The following PNISR variants were observed in gnomAD, a reference collection of about 807,000 sequenced individuals.
PNISR encodes PNN interacting serine and arginine rich protein, also known as arginine/serine-rich protein PNISR.
A neutral mutation model predicts 93.4 loss-of-function variants in PNISR; 20 were observed. That is an observed-to-expected ratio of 0.21 (90% CI 0.15 to 0.31). PNISR has a LOEUF of 0.31. Among genes scored for constraint, PNISR ranks in the 10% least tolerant of loss-of-function variants. The probability of loss-of-function intolerance (pLI) is 1.00; values close to 1 mark genes in which losing one functional copy is unlikely to be tolerated. For missense variants in PNISR, 893 were observed against 985.4 expected, an observed-to-expected ratio of 0.91 and a Z score of 1.25; for synonymous variants, 305 against 306.5, an observed-to-expected ratio of 0.99 and a Z score of 0.05.
rs75491041 is a variant in PNISR at position 99,411,930 on chromosome 6, C to T, written c.277+621G>A. ...GTTATGACTTCACCATCAGCATACC[C>T]AAATGAGAGGCTGATTCCTCCATAG... On this transcript the variant is annotated intron_variant, in intron 4 of 11. Coordinates refer to ENST00000369239, the MANE Select transcript of PNISR (RefSeq NM_032870.4). The T allele has an allele frequency of 9.3e-3, 1,889 of 202,542 alleles. 15 individuals carry two copies. Among genetic ancestry groups the T allele is most frequent in the Non-Finnish European group, 0.014 (1,385 of 97,722 alleles). The allele number at this position is 202,542 out of a possible 1,614,324, so 12.5% of individuals were successfully genotyped here. A position where few individuals can be genotyped will look rare whatever the true frequency, so the allele number is the denominator to read the frequency against.
intron 1 of PNISR, among the ~76,000 whole-genome samples, chr6:99,420,807 T>C (rs1365744756): frequency 1.3e-5 from 2 of 152,242 alleles, no homozygotes; most frequent in African/African-American, 4.8e-5. Context: ...AAGTTAAAGA[T>C]GACATACAAT....
chr6:99,410,538 AT>A, intron 5 of PNISR: 1 of 535,410 alleles, frequency 1.9e-6, no homozygotes. Flanking sequence ...ATGATCTTTT[AT>A]ACCATTTTCC....
At chr6:99,402,475 G>T in intron 11 of PNISR, 65 bp downstream of exon 11, 1 of 776,404 alleles carries the variant, frequency 1.3e-6, no homozygotes, top group African/African-American at 1.7e-5. Context: ...ATATTTTTAG[G>T]TTAGTTAAAA....
chr6:99,404,065 T>C (rs1775838802), intron 9 of PNISR, 183 bp from the exon 10 acceptor site: 1 of 554,616 alleles, frequency 1.8e-6, no homozygotes, highest in South Asian at 2.4e-5. Flanking sequence ...ATAACTCTGA[T>C]GTGAGCTGAA....
chr6:99,402,760 CTAA>C, intron 10 of PNISR, 50 bp from the exon 11 acceptor site: 2 of 1,368,590 alleles, frequency 1.5e-6, no homozygotes, highest in Non-Finnish European at 2.0e-6. Flanking sequence ...ATACTATGCA[CTAA>C]AAACTTTTCA....
Position 99,409,204 on chromosome 6 carries a change from T to C in PNISR, c.642A>G (p.Ala214=), listed in dbSNP as rs777780597. ...SFRDRQRSPI[A]LPVKQEPPQI... Reference sequence around the variant, plus strand: ...GTGGAGGCTCCTGCTTCACAGGAAGTGCAATAGGTGAACGCTGACGATCCC... The same window carrying C: ...GTGGAGGCTCCTGCTTCACAGGAAGCGCAATAGGTGAACGCTGACGATCCC... The change falls in exon 6 of 12, where the codon GCA becomes GCG. Residue 214 remains alanine, a synonymous_variant. Transcript: ENST00000369239. 12 of 1,613,948 alleles carry C rather than the reference T, an allele frequency of 7.4e-6. No individual in the cohort carries two copies. The highest frequency in any genetic ancestry group is 1.7e-4 in the Middle Eastern group (1 of 6,054).
chr6:99,418,057 G>A (rs1401097219), intron 1 of PNISR, among the ~76,000 whole-genome samples: 1 of 151,412 alleles, frequency 6.6e-6, no homozygotes, highest in African/African-American at 2.4e-5. Context: ...AACTTACAGA[G>A]GTTTCACTTT....
Position 99,398,903 on chromosome 6 carries a change from T to A in PNISR, c.*1637A>T, listed in dbSNP as rs1775149855. ...TAAAGTTATTCTGTGAAATGTCATC[T>A]TTATAAATATCAGAACTAAATGCAC... On this transcript the variant is annotated 3_prime_UTR_variant, in exon 12 of 12. Transcript: ENST00000369239. 1 of 152,134 alleles carries A rather than the reference T, an allele frequency of 6.6e-6. No homozygotes were observed. The highest frequency in any genetic ancestry group is 2.1e-4 in the South Asian group (1 of 4,834). 9.4% of individuals were successfully genotyped at this position (152,134 alleles called of 1,614,324 possible).
In PNISR at chr6:99,400,498, C is replaced by T; in HGVS notation, c.*42G>A. 6.4e-7 allele frequency: 1 copy of T among 1,570,490 alleles called. No individual in the cohort carries two copies. Among genetic ancestry groups the T allele is most frequent in the Non-Finnish European group, 8.6e-7 (1 of 1,162,150 alleles). ...ACTTTCAACTTTGAATAAATTCAGT[C>T]AATTTTTTTTAAAAATCAGACAAAA... is the stretch of plus-strand genomic sequence containing the variant. On this transcript the variant is annotated 3_prime_UTR_variant, in exon 12 of 12. Coordinates refer to ENST00000369239, the MANE Select transcript of PNISR (RefSeq NM_032870.4).
rs1318146138 is a variant in PNISR at position 99,399,213 on chromosome 6, ATTCAT to A, written c.*1322_*1326del. On this transcript the variant is annotated 3_prime_UTR_variant, in exon 12 of 12. Coordinates refer to ENST00000369239, the MANE Select transcript of PNISR (RefSeq NM_032870.4). ...AATGTAAAAGCATTTGTTTTCAGAG[ATTCAT>A]TTATCACTGAGTAAGTGATTACATA... The A allele has an allele frequency of 6.6e-5, 10 of 152,252 alleles. No individual in the cohort carries two copies. The highest frequency in any genetic ancestry group is 4.1e-4 in the South Asian group (2 of 4,824). The allele number at this position is 152,252 out of a possible 1,614,324, so 9.4% of individuals were successfully genotyped here.
At position 99,401,265 on chromosome 6, in the gene PNISR, T is replaced by C. The variant is rs927217833; in HGVS notation, c.1693A>G (p.Thr565Ala). The change falls in exon 12 of 12, where the codon ACA becomes GCA. Residue 565 changes from threonine (T) to alanine (A), a missense_variant. By Grantham distance (58) the Thr-to-Ala change is moderately conservative. Coordinates refer to ENST00000369239, the MANE Select transcript of PNISR (RefSeq NM_032870.4). ...KKRHSRSRSP[T>A]IKARRSRSRS... ...CTCCTGCTACGTCTAGCTTTGATTG[T>C]TGGAGATCTACTCCTACTGTGTCTC... 4 of 1,613,006 alleles carry C rather than the reference T, an allele frequency of 2.5e-6. No individual in the cohort carries two copies. Among genetic ancestry groups the C allele is most frequent in the Admixed American group, 1.7e-5 (1 of 59,920 alleles).
intron 2 of PNISR, chr6:99,415,558 A>T (rs1236287826): frequency 6.6e-6 from 1 of 152,208 alleles, no homozygotes; most frequent in Non-Finnish European, 1.5e-5. Flanking sequence ...TAAAAGGTTT[A>T]AAAGTCTTAC....
chr6:99,399,111 T>C lies in PNISR; in HGVS notation c.*1429A>G, dbSNP rs986087746. Reference sequence around the variant, plus strand: ...CTTGGCAAAAATCTGGCATGATTTTTAAAATGAACTATTGCTGGTAAGAAG... The same window carrying C: ...CTTGGCAAAAATCTGGCATGATTTTCAAAATGAACTATTGCTGGTAAGAAG... On this transcript the variant is annotated 3_prime_UTR_variant, in exon 12 of 12. Transcript: ENST00000369239. The C allele has an allele frequency of 2.0e-5, 3 of 152,140 alleles. No individual in the cohort carries two copies. The highest frequency in any genetic ancestry group is 2.9e-5 in the Non-Finnish European group (2 of 67,958). 9.4% of individuals were successfully genotyped at this position (152,140 alleles called of 1,614,324 possible).
chr6:99,422,021 G>A (rs570291074), intron 1 of PNISR, among the ~76,000 whole-genome samples: 1 of 151,946 alleles, frequency 6.6e-6, no homozygotes, highest in African/African-American at 2.4e-5. Context: ...GCATGCCACC[G>A]CGCGAGGATA....
chr6:99,403,468 A>AT (rs1268762030), intron 10 of PNISR: 1 of 156,038 alleles, frequency 6.4e-6, no homozygotes, highest in African/African-American at 2.4e-5. Context: ...CATGTATGCA[A>AT]TAATTCTGAA....
intron 9 of PNISR, chr6:99,404,272 CAAAAT>C: frequency 2.8e-6 from 1 of 361,760 alleles, no homozygotes; most frequent in Middle Eastern, 8.5e-4. Flanking sequence ...ATTCATTAGT[CAAAAT>C]AAACTGTATC....
At chr6:99,411,000 C>T (rs1351914466) in intron 4 of PNISR, 36 bp from the exon 5 acceptor site, 11 of 1,461,384 alleles carry the variant, frequency 7.5e-6, no homozygotes, top group African/African-American at 4.2e-5. Flanking sequence ...ATTCAACAGG[C>T]GGTTATAACA....
chr6:99,403,932 G>C lies in PNISR; in HGVS notation c.1103-50C>G, dbSNP rs1420341492. On this transcript the variant is annotated intron_variant, in intron 9 of 11. Coordinates refer to ENST00000369239, the MANE Select transcript of PNISR (RefSeq NM_032870.4). ...ACAACATGTTAACACAAATAGCCAC[G>C]ATTTCATAGTCATGAGTCTATGGTA... 3.0e-6 allele frequency: 4 copies of C among 1,327,976 alleles called. No individual in the cohort carries two copies. In the South Asian group the frequency reaches 3.6e-5, roughly 12 times the overall value. The allele number at this position is 1,327,976 out of a possible 1,614,324, so 82.3% of individuals were successfully genotyped here. A position where few individuals can be genotyped will look rare whatever the true frequency, so the allele number is the denominator to read the frequency against.
Position 99,414,600 on chromosome 6 carries a change from C to A in PNISR, c.60G>T (p.Met20Ile). The change falls in exon 3 of 12, where the codon ATG becomes ATT. Residue 20 changes from methionine to isoleucine, a missense_variant. Transcript: ENST00000369239. ...QQWPLNQQQW[M>I]QSFQHQQDPS... The stretch of plus-strand genomic sequence containing the variant: ...GATCCTGTTGGTGCTGGAATGACTG[C>A]ATCCATTGTTGCTGGTTCAAGGGCC... 1 of 1,601,748 alleles carries A rather than the reference C, an allele frequency of 6.2e-7. No homozygotes were observed. Among genetic ancestry groups the A allele is most frequent in the South Asian group, 1.1e-5 (1 of 90,694 alleles).
Sources: gnomAD v4.1 joint callset for allele counts (sites outside exome capture counted in the v4.1 genomes callset) on GRCh38, gnomAD v4.1.1 for gene constraint, MANE v1.5 for transcripts, NCBI Gene and HGNC (gene_info 2026-07-23, HGNC 2026-07-21) for gene names.